The following PKNOX1 variants were observed in gnomAD, a reference collection of about 807,000 sequenced individuals.
The protein encoded by PKNOX1 is homeobox protein PKNOX1.
In PKNOX1, 15 loss-of-function variants were observed where a neutral mutation model predicts 51.9. That is an observed-to-expected ratio of 0.29 (90% CI 0.19 to 0.45). The LOEUF is 0.45. Ranked by LOEUF, PKNOX1 falls within the 20% of genes least tolerant of loss-of-function variation. The pLI is 1.00. For missense variants in PKNOX1, 462 were observed against 547.5 expected, an observed-to-expected ratio of 0.84 and a Z score of 1.56; for synonymous variants, 219 against 211.1, an observed-to-expected ratio of 1.04 and a Z score of -0.32.
Position 43,028,729 on chromosome 21 carries a change from T to C in PKNOX1, c.954T>C (p.Leu318=). 5 of 1,614,118 alleles carry C rather than the reference T, an allele frequency of 3.1e-6. No homozygotes were observed. In the Middle Eastern group the frequency reaches 4.9e-4, roughly 160 times the overall value. Residue 318 remains leucine, a synonymous_variant, in exon 10 of 11, where the codon CTT becomes CTC. Coordinates refer to ENST00000291547, the MANE Select transcript of PKNOX1 (RefSeq NM_004571.5). ...NWFINARRRI[L]QPMLDSSCSE... is the part of the protein sequence containing the mutation. ...TCATCAATGCCAGAAGACGAATTCT[T>C]CAGCCAATGTTGGATTCAAGTTGTT...
chr21:43,004,394 C>G lies in PKNOX1; in HGVS notation c.13C>G (p.Gln5Glu). Reference sequence around the variant, plus strand: ...ACTCTGATGAACCATGATGGCTACACAGACATTAAGTATAGACAGCTATCA... The same window carrying G: ...ACTCTGATGAACCATGATGGCTACAGAGACATTAAGTATAGACAGCTATCA... MMAT[Q>E]TLSIDSYQDG... Residue 5 changes from glutamine to glutamate, a missense_variant, in exon 2 of 11, where the codon CAG becomes GAG. Physicochemically the swap from Gln to Glu is conservative, Grantham distance 29. Around this residue, in one of 5 missense-constraint regions of PKNOX1, gnomAD observed 129 missense variants for 133.4 expected, o/e 0.97. Coordinates refer to ENST00000291547, the MANE Select transcript of PKNOX1 (RefSeq NM_004571.5). 6.2e-7 allele frequency: 1 copy of G among 1,607,564 alleles called. No homozygotes were observed. The highest frequency in any genetic ancestry group is 8.5e-7 in the Non-Finnish European group (1 of 1,174,124).
At chr21:42,984,718 A>G (rs565900450) in intron 1 of PKNOX1, among the ~76,000 whole-genome samples, 80 of 151,942 alleles carry the variant, frequency 5.3e-4, no homozygotes, top group Non-Finnish European at 7.7e-4. Context: ...TTTTACGGCC[A>G]TGCTCTATGT....
intron 1 of PKNOX1, among the ~76,000 whole-genome samples, chr21:42,980,047 T>C (rs894472577): frequency 3.9e-5 from 6 of 152,170 alleles, no homozygotes; most frequent in Non-Finnish European, 7.3e-5. Context: ...CTATATGTAG[T>C]TAACGTTTCT....
chr21:42,976,705 C>T (rs777818204), intron 1 of PKNOX1, among the ~76,000 whole-genome samples: 8 of 152,230 alleles, frequency 5.3e-5, no homozygotes, highest in Admixed American at 5.2e-4. Flanking sequence ...TCCACCACAT[C>T]TGCAGTTCCT....
chr21:42,997,119 G>C (rs1007961155), intron 1 of PKNOX1, among the ~76,000 whole-genome samples: 1 of 152,114 alleles, frequency 6.6e-6, no homozygotes, highest in African/African-American at 2.4e-5. Flanking sequence ...GACCTCAGGT[G>C]ATCCTCCCAC....
chr21:42,976,570 T>G (rs1453280921), intron 1 of PKNOX1, among the ~76,000 whole-genome samples: 1 of 152,258 alleles, frequency 6.6e-6, no homozygotes, highest in African/African-American at 2.4e-5. Flanking sequence ...ATCCACTAAG[T>G]TGATGTGATA....
chr21:42,986,917 C>T (rs1163837745), intron 1 of PKNOX1, among the ~76,000 whole-genome samples: 2 of 152,136 alleles, frequency 1.3e-5, no homozygotes, highest in African/African-American at 4.8e-5. Context: ...CTCTGGGTAG[C>T]AGCTAGGAGG....
chr21:43,001,123 C>T (rs559988508), intron 1 of PKNOX1, among the ~76,000 whole-genome samples: 2 of 152,300 alleles, frequency 1.3e-5, no homozygotes, highest in African/African-American at 4.8e-5. Flanking sequence ...TTCAGTGACA[C>T]GTTTGCAGAT....
At chr21:43,028,251 C>T (rs772098550) in intron 9 of PKNOX1, among the ~76,000 whole-genome samples, 24 of 152,318 alleles carry the variant, frequency 1.6e-4, no homozygotes, top group East Asian at 5.8e-4. Context: ...CCCAGAGGCT[C>T]GGCCCCGTTG....
At position 43,018,225 on chromosome 21, in the gene PKNOX1, T is replaced by C. The variant is rs1331106381; in HGVS notation, c.715T>C (p.Ser239Pro). The C allele has an allele frequency of 6.2e-7, 1 of 1,611,236 alleles. No homozygotes were observed. Among genetic ancestry groups the C allele is most frequent in the Middle Eastern group, 1.7e-4 (1 of 6,054 alleles). Residue 239 changes from serine (S) to proline (P), a missense_variant, in exon 7 of 11, where the codon TCC (serine) becomes CCC (proline). Around this residue, in one of 5 missense-constraint regions of PKNOX1, gnomAD observed 126 missense variants for 128.1 expected, o/e 0.98. Transcript: ENST00000291547. Reference protein sequence around the residue: ...LSPGTIRIQNSQLQLQLNQDL... With the variant: ...LSPGTIRIQNPQLQLQLNQDL... ...GCCTGGGACAATTAGGATCCAGAAC[T>C]CCCAGGTGCGTGCGCCATTTTATGG...
At chr21:43,018,047 C>CAAA (rs60175567) in intron 6 of PKNOX1, 86 bp from the exon 7 acceptor site, 30,242 of 270,068 alleles carry the variant, frequency 0.11, 942 homozygotes, top group South Asian at 0.12. Context: ...CCTGTCTCTA[C>CAAA]AAAAAAAAAA....
intron 5 of PKNOX1, among the ~76,000 whole-genome samples, chr21:43,014,848 G>T (rs898729769): frequency 6.6e-6 from 1 of 152,174 alleles, no homozygotes; most frequent in South Asian, 2.1e-4. Context: ...AGCTGTTCTG[G>T]TTCCTTTGCC....
In PKNOX1 at chr21:43,021,452, C is replaced by T; in HGVS notation, c.849+21C>T. The T allele has an allele frequency of 1.3e-6, 2 of 1,588,344 alleles. No homozygotes were observed. The highest frequency in any genetic ancestry group is 1.1e-5 in the South Asian group (1 of 88,596). On this transcript the variant is annotated intron_variant, in intron 8 of 10. Transcript: ENST00000291547. The surrounding 1 kb of genome is among the most constrained non-coding windows in gnomAD (Gnocchi z 4.6). Reference sequence around the variant, plus strand: ...TCGGGGTAAGGACGGCTGGGCCAGCCCTTGCCTTGCAGCCCTCTGCGACGC... The same window carrying T: ...TCGGGGTAAGGACGGCTGGGCCAGCTCTTGCCTTGCAGCCCTCTGCGACGC...
chr21:43,001,984 T>A (rs541664620), intron 1 of PKNOX1, among the ~76,000 whole-genome samples: 1 of 114,232 alleles, frequency 8.8e-6, no homozygotes, highest in African/African-American at 3.3e-5. Context: ...AATAAATAAA[T>A]AAAAATAAAA....
rs1189896741 is a variant in PKNOX1 at position 43,033,421 on chromosome 21, C to G, written c.*3320C>G. The G allele has an allele frequency of 1.3e-5, 2 of 150,528 alleles. No individual in the cohort carries two copies. The highest frequency in any genetic ancestry group is 4.9e-5 in the African/African-American group (2 of 41,102). The allele number at this position is 150,528 out of a possible 1,614,324, so 9.3% of individuals were successfully genotyped here. ...CTGGCACTTAGAGACAGAAAGAACTCAGCAATCTTTCGTTCTAGTTATATT... is the reference window on the plus strand; with the variant it reads ...CTGGCACTTAGAGACAGAAAGAACTGAGCAATCTTTCGTTCTAGTTATATT... On this transcript the variant is annotated 3_prime_UTR_variant, in exon 11 of 11. Transcript: ENST00000291547.
At chr21:43,008,108 T>A (rs567823314) in intron 3 of PKNOX1, among the ~76,000 whole-genome samples, 148 of 144,646 alleles carry the variant, frequency 1.0e-3, no homozygotes, top group African/African-American at 3.6e-3. Flanking sequence ...AAGATGTTAT[T>A]TCTAATACCT....
intron 1 of PKNOX1, among the ~76,000 whole-genome samples, chr21:42,988,614 A>G (rs1415504641): frequency 2.0e-5 from 3 of 152,172 alleles, no homozygotes; most frequent in Admixed American, 6.5e-5. Context: ...TGCTTCAGTG[A>G]CTAGTTCCCA....
chr21:43,012,652 C>T (rs1979306143), intron 4 of PKNOX1, among the ~76,000 whole-genome samples: 2 of 152,110 alleles, frequency 1.3e-5, no homozygotes, highest in East Asian at 3.8e-4. Context: ...GCAAAGACAC[C>T]AAAATGGAAC....
chr21:42,989,945 A>G (rs538868837), intron 1 of PKNOX1, among the ~76,000 whole-genome samples: 2 of 152,126 alleles, frequency 1.3e-5, no homozygotes, highest in Non-Finnish European at 2.9e-5. Flanking sequence ...CAAAAAATAC[A>G]AAAGTAAACC....
Sources: gnomAD v4.1 joint callset for allele counts (sites outside exome capture counted in the v4.1 genomes callset) on GRCh38, gnomAD v4.1.1 for gene constraint, gnomAD v4.1.1 regional missense constraint, Gnocchi (gnomAD v3.1) non-coding constraint, MANE v1.5 for transcripts, NCBI Gene and HGNC (gene_info 2026-07-23, HGNC 2026-07-21) for gene names.